RPS6KA1: variants seen among roughly 807,000 people sequenced by gnomAD.
RPS6KA1 encodes ribosomal protein S6 kinase alpha-1.
A neutral mutation model predicts 91.3 loss-of-function variants in RPS6KA1; 48 were observed. The ratio of observed to expected loss-of-function variants is 0.53; its 90% CI spans 0.42 to 0.67. The LOEUF (loss-of-function observed/expected upper bound fraction) is 0.67. RPS6KA1 is among the 30% of genes least tolerant of loss of function. The pLI is 0.00. For synonymous variants in RPS6KA1, 359 were observed against 384.7 expected (o/e 0.93, Z 0.78); for missense variants, 719 against 960.5 (o/e 0.75, Z 3.32).
In RPS6KA1 at chr1:26,534,413, G is replaced by GT. The variant is rs1389173836; in HGVS notation, c.64-2512_64-2511insT. Among the ~76,000 whole-genome samples the GT allele has an allele frequency of 2.6e-5, 4 of 152,262 alleles. No homozygotes were observed. The East Asian group carries it at 7.7e-4, about 29-fold the overall frequency. The stretch of plus-strand genomic sequence containing the variant: ...AGAGAGGAGGGAGGAAAGAACATGA[G>GT]GCTGTGTGGACAGGGGTGACATTTG... On this transcript the variant is annotated intron_variant, in intron 1 of 21. Transcript: ENST00000374168.
chr1:26,560,996 C>A, intron 15 of RPS6KA1, 49 bp from the exon 16 acceptor site: 1 of 1,602,168 alleles, frequency 6.2e-7, no homozygotes. Flanking sequence ...CCAGAAAGGA[C>A]CCTGGACCCT....
At position 26,555,403 on chromosome 1, in the gene RPS6KA1, C is replaced by A; in HGVS notation, c.828-134C>A. 1 of 1,050,320 alleles carries A rather than the reference C, an allele frequency of 9.5e-7. No homozygotes were observed. Among genetic ancestry groups the A allele is most frequent in the African/African-American group, 1.6e-5 (1 of 63,076 alleles). The allele number at this position is 1,050,320 out of a possible 1,614,324, so 65.1% of individuals were successfully genotyped here. A position where few individuals can be genotyped will look rare whatever the true frequency, so the allele number is the denominator to read the frequency against. On this transcript the variant is annotated intron_variant, in intron 10 of 21. Transcript: ENST00000374168. This position sits in a 1 kb window ranked among gnomAD's most constrained non-coding sequence, Gnocchi z 4.3. ...TCCCTGGGGGCCTGTGGGTAGGATC[C>A]CTGAAGCCTTTGGGAAGTGAATTAG...
Position 26,561,754 on chromosome 1 carries a change from GCCT to G in RPS6KA1, c.1590+94_1590+96del. ...ACCACCTGCTGGCCCAGGAATGGCA[GCCT>G]CCAGCTAGCCAAACTGAGGGGACAC... On this transcript the variant is annotated intron_variant, in intron 17 of 21. Transcript: ENST00000374168. This position sits in a 1 kb window ranked among gnomAD's most constrained non-coding sequence, Gnocchi z 5.7. 7.3e-7 allele frequency: 1 copy of G among 1,372,226 alleles called. No homozygotes were observed. Among genetic ancestry groups the G allele is most frequent in the South Asian group, 1.4e-5 (1 of 72,634 alleles). The allele number at this position is 1,372,226 out of a possible 1,614,324, so 85.0% of individuals were successfully genotyped here.
chr1:26,572,232 T>G lies in RPS6KA1; in HGVS notation c.1886T>G (p.Ile629Ser), dbSNP rs2076255614. The G allele has an allele frequency of 6.2e-7, 1 of 1,613,782 alleles. No individual in the cohort carries two copies. Among genetic ancestry groups the G allele is most frequent in the African/African-American group, 1.3e-5 (1 of 74,806 alleles). Residue 629 changes from isoleucine (I) to serine (S), a missense_variant, in exon 20 of 22, where the codon ATC becomes AGC. Physicochemically the swap from Ile to Ser is moderately radical, Grantham distance 142. Coordinates refer to ENST00000374168, the MANE Select transcript of RPS6KA1 (RefSeq NM_002953.4). ...SDTPEEILTR[I>S]GSGKFTLSGG... ...ACACCAGAGGAAATCCTAACCCGGA[T>G]CGGCAGTGGGAAGTTTACCCTCAGT...
Position 26,561,266 on chromosome 1 carries a change from C to T in RPS6KA1, c.1431+132C>T, listed in dbSNP as rs1205617946. Reference sequence around the variant, plus strand: ...GTGGAGGGGAAGGAGGTCCCTTGGTCCCTTCAGTCTGCCCATACCCCAAGG... The same window carrying T: ...GTGGAGGGGAAGGAGGTCCCTTGGTTCCTTCAGTCTGCCCATACCCCAAGG... On this transcript the variant is annotated intron_variant, in intron 16 of 21. Coordinates refer to ENST00000374168, the MANE Select transcript of RPS6KA1 (RefSeq NM_002953.4). This position sits in a 1 kb window ranked among gnomAD's most constrained non-coding sequence, Gnocchi z 5.7. 1 of 972,584 alleles carries T rather than the reference C, an allele frequency of 1.0e-6. No individual in the cohort carries two copies. Among genetic ancestry groups the T allele is most frequent in the African/African-American group, 1.6e-5 (1 of 61,570 alleles). The allele number at this position is 972,584 out of a possible 1,614,324, so 60.2% of individuals were successfully genotyped here. A position where few individuals can be genotyped will look rare whatever the true frequency, so the allele number is the denominator to read the frequency against.
chr1:26,562,227 T>G lies in RPS6KA1; in HGVS notation c.1590+564T>G, dbSNP rs566877475. Among the ~76,000 whole-genome samples, 13 of 152,222 alleles carry G rather than the reference T, an allele frequency of 8.5e-5. No individual in the cohort carries two copies. The East Asian group carries it at 2.3e-3, about 27-fold the overall frequency. ...TAATAAATAAATACATAAATAAGATTTACATTATCTCAATTGATTTTCACA... is the reference window on the plus strand; with the variant it reads ...TAATAAATAAATACATAAATAAGATGTACATTATCTCAATTGATTTTCACA... On this transcript the variant is annotated intron_variant, in intron 17 of 21. Coordinates refer to ENST00000374168, the MANE Select transcript of RPS6KA1 (RefSeq NM_002953.4).
chr1:26,572,684 C>T (rs2076260062), intron 20 of RPS6KA1, among the ~76,000 whole-genome samples: 2 of 152,312 alleles, frequency 1.3e-5, no homozygotes, highest in Admixed American at 6.5e-5. Context: ...GAGCAACTGG[C>T]CATGCCAAGC....
chr1:26,555,096 G>A lies in RPS6KA1; in HGVS notation c.757-55G>A, dbSNP rs370734848. 6.5e-5 allele frequency: 100 copies of A among 1,547,898 alleles called. No individual in the cohort carries two copies. The African/African-American group carries it at 1.2e-3, about 19-fold the overall frequency. ...CAGAGGGGTCTGACTGGGAGGAGGCGGGAGGTGTGTCGGAGACAGGGATCA... is the reference window on the plus strand; with the variant it reads ...CAGAGGGGTCTGACTGGGAGGAGGCAGGAGGTGTGTCGGAGACAGGGATCA... On this transcript the variant is annotated intron_variant, in intron 9 of 21. Coordinates refer to ENST00000374168, the MANE Select transcript of RPS6KA1 (RefSeq NM_002953.4). The surrounding 1 kb of genome is among the most constrained non-coding windows in gnomAD (Gnocchi z 4.3).
chr1:26,554,252 G>A lies in RPS6KA1; in HGVS notation c.613+1G>A. 6.4e-7 allele frequency: 1 copy of A among 1,557,502 alleles called. No homozygotes were observed. The highest frequency in any genetic ancestry group is 8.7e-7 in the Non-Finnish European group (1 of 1,150,170). Reference sequence around the variant, plus strand: ...GAGGAGGGCCACATCAAACTCACTGGTGAGTGGAGGGCGCCTGCCCCCTCG... The same window carrying A: ...GAGGAGGGCCACATCAAACTCACTGATGAGTGGAGGGCGCCTGCCCCCTCG... On this transcript the variant is annotated splice_donor_variant, in intron 8 of 21. Transcript: ENST00000374168. LOFTEE classifies it high-confidence loss of function. This position sits in a 1 kb window ranked among gnomAD's most constrained non-coding sequence, Gnocchi z 4.6.
Position 26,553,492 on chromosome 1 carries a change from T to A in RPS6KA1, c.570T>A (p.Pro190=). 2 of 1,605,224 alleles carry A rather than the reference T, an allele frequency of 1.2e-6. No homozygotes were observed. Among genetic ancestry groups the A allele is most frequent in the Non-Finnish European group, 1.7e-6 (2 of 1,173,592 alleles). The change falls in exon 7 of 22, where the codon CCT becomes CCA. Residue 190 remains proline (P), a synonymous_variant. Coordinates refer to ENST00000374168, the MANE Select transcript of RPS6KA1 (RefSeq NM_002953.4). ...SLGIIYRDLK[P]ENILLDEEGH... is the part of the protein sequence containing the mutation. ...GTATCATTTACAGAGACCTCAAGCC[T>A]GAGAAGTGAGTGAAGCCTCCAGCCC...
At chr1:26,534,144 G>A (rs951802367) in intron 1 of RPS6KA1, among the ~76,000 whole-genome samples, 2 of 152,296 alleles carry the variant, frequency 1.3e-5, no homozygotes, top group East Asian at 3.9e-4. Context: ...ACGTGACTTT[G>A]GGTTATGGTC....
In RPS6KA1 at chr1:26,571,941, C is replaced by T; in HGVS notation, c.1829+16C>T. 1 of 1,607,478 alleles carries T rather than the reference C, an allele frequency of 6.2e-7. No individual in the cohort carries two copies. Among genetic ancestry groups the T allele is most frequent in the Non-Finnish European group, 8.5e-7 (1 of 1,176,950 alleles). Reference sequence around the variant, plus strand: ...TGCTGGCAGGGTGAGTGCCCCTGGCCTGGACCCTTCCCCACTCCTGCAGCC... The same window carrying T: ...TGCTGGCAGGGTGAGTGCCCCTGGCTTGGACCCTTCCCCACTCCTGCAGCC... On this transcript the variant is annotated intron_variant, in intron 19 of 21. Transcript: ENST00000374168. This position sits in a 1 kb window ranked among gnomAD's most constrained non-coding sequence, Gnocchi z 5.1.
intron 1 of RPS6KA1, chr1:26,530,841 T>A: frequency 2.3e-6 from 3 of 1,287,776 alleles, no homozygotes; most frequent in Non-Finnish European, 3.0e-6. Flanking sequence ...AGGGTCAAGG[T>A]CAAGCCCCTG....
intron 2 of RPS6KA1, among the ~76,000 whole-genome samples, chr1:26,541,669 G>A (rs927873568): frequency 3.9e-5 from 6 of 152,256 alleles, no homozygotes; most frequent in Admixed American, 3.9e-4. Flanking sequence ...CCCCCTCAAG[G>A]CTGCCAGGGA....
rs1178949373 is a variant in RPS6KA1 at position 26,544,530 on chromosome 1, G to A, written c.109-2337G>A. 2.7e-5 allele frequency among the ~76,000 whole-genome samples: 4 copies of A among 150,636 alleles called. No individual in the cohort carries two copies. The South Asian group carries it at 6.3e-4, about 24-fold the overall frequency. ...CACTTTGTCGCCCAGGCTGGAGTGC[G>A]GTGGTGCGATCTTGGCTCACTGCAG... On this transcript the variant is annotated intron_variant, in intron 2 of 21. Transcript: ENST00000374168.
At chr1:26,536,834 G>A in intron 1 of RPS6KA1, 91 bp from the exon 2 acceptor site, 1 of 1,453,088 alleles carries the variant, frequency 6.9e-7, no homozygotes, top group South Asian at 1.2e-5. Context: ...TGGCTATTGG[G>A]AGCACCTAAG....
chr1:26,566,992 G>C (rs1392316119), intron 17 of RPS6KA1, among the ~76,000 whole-genome samples: 1 of 151,782 alleles, frequency 6.6e-6, no homozygotes, highest in Non-Finnish European at 1.5e-5. Context: ...CCACAGGCCA[G>C]GCGGGGTTCT....
At chr1:26,569,877 A>G (rs1460060990) in intron 17 of RPS6KA1, among the ~76,000 whole-genome samples, 1 of 152,186 alleles carries the variant, frequency 6.6e-6, no homozygotes, top group Admixed American at 6.5e-5. Context: ...ATGGACAGTG[A>G]GGCTGGAACA....
chr1:26,530,725 C>T (rs955774612), intron 1 of RPS6KA1: 33 of 1,280,182 alleles, frequency 2.6e-5, no homozygotes, highest in Middle Eastern at 4.3e-4. Context: ...CCCCAGACAA[C>T]CCAGCTCCTT....
Sources: allele counts gnomAD v4.1 joint callset (sites outside exome capture counted in the v4.1 genomes callset), GRCh38; gene constraint gnomAD v4.1.1; non-coding constraint Gnocchi (gnomAD v3.1); transcripts MANE v1.5; gene names NCBI Gene and HGNC (gene_info 2026-07-23, HGNC 2026-07-21).